The following CLDN14 variants were observed in gnomAD, a reference collection of about 807,000 sequenced individuals.
CLDN14 encodes claudin 14.
Under a neutral mutation model 2.1 loss-of-function variants are expected in CLDN14, and 2 were observed. The observed-to-expected ratio is 0.96, with a 90% confidence interval of 0.39 to 3.01. The LOEUF is 3.01. Ranked by LOEUF, CLDN14 falls within the 30% of genes most tolerant of loss-of-function variation. CLDN14 has a pLI of 0.09. For missense variants in CLDN14, 298 were observed against 328.0 expected (o/e 0.91, Z 0.71); for synonymous variants, 136 against 154.4 (o/e 0.88, Z 0.88).
At chr21:36,495,021 C>T (rs2087003164) in intron 2 of CLDN14, among the ~76,000 whole-genome samples, 1 of 152,118 alleles carries the variant, frequency 6.6e-6, no homozygotes. Flanking sequence ...GGAACAAATC[C>T]CCCCACACAG....
intron 1 of CLDN14, among the ~76,000 whole-genome samples, chr21:36,556,681 C>T (rs1480511779): frequency 6.6e-6 from 1 of 152,214 alleles, no homozygotes; most frequent in East Asian, 1.9e-4. Context: ...CCCGTGAATT[C>T]TCCGTGTCCA....
intron 1 of CLDN14, among the ~76,000 whole-genome samples, chr21:36,478,040 A>G (rs947252139): frequency 1.3e-5 from 2 of 152,256 alleles, no homozygotes; most frequent in East Asian, 1.9e-4. Context: ...GTAATGAAAG[A>G]TCTTTTCTGA....
At chr21:36,494,860 T>C (rs1159642303) in intron 2 of CLDN14, among the ~76,000 whole-genome samples, 1 of 152,252 alleles carries the variant, frequency 6.6e-6, no homozygotes, top group Non-Finnish European at 1.5e-5. Flanking sequence ...ACAACATTCT[T>C]GGCAGATGAA....
chr21:36,493,041 G>T (rs2835365), intron 2 of CLDN14, among the ~76,000 whole-genome samples: 60,958 of 152,082 alleles, frequency 0.4, 12,968 homozygotes, highest in African/African-American at 0.55. Flanking sequence ...GGCCTTTAAA[G>T]CAGGCATTGA....
chr21:36,468,603 A>G (rs1427950921), intron 1 of CLDN14, among the ~76,000 whole-genome samples: 2 of 136,228 alleles, frequency 1.5e-5, no homozygotes, highest in African/African-American at 6.1e-5. Flanking sequence ...GCTTGAATTT[A>G]GGAACTAAAA....
intron 2 of CLDN14, among the ~76,000 whole-genome samples, chr21:36,493,722 C>G (rs2086990206): frequency 6.6e-6 from 1 of 152,068 alleles, no homozygotes; most frequent in Non-Finnish European, 1.5e-5. Flanking sequence ...TTTTTTCTGC[C>G]CCCTGCTTGG....
At chr21:36,494,358 T>TA (rs1283626705) in intron 2 of CLDN14, among the ~76,000 whole-genome samples, 1 of 149,578 alleles carries the variant, frequency 6.7e-6, no homozygotes, top group Admixed American at 6.6e-5. Flanking sequence ...CCTAACAAAT[T>TA]AAAGTCCCCT....
At chr21:36,558,297 A>AT (rs921599830) in intron 1 of CLDN14, among the ~76,000 whole-genome samples, 24 of 151,674 alleles carry the variant, frequency 1.6e-4, no homozygotes, top group African/African-American at 5.3e-4. Context: ...GAATTTTAGG[A>AT]TTTTTTTTCT....
At chr21:36,517,520 G>T (rs546657539) in intron 1 of CLDN14, among the ~76,000 whole-genome samples, 175 of 152,340 alleles carry the variant, frequency 1.1e-3, no homozygotes, top group African/African-American at 4.1e-3. Context: ...TGGTTCTCCA[G>T]TCTGGGCAAA....
chr21:36,575,643 G>T (rs942338972), intron 1 of CLDN14, among the ~76,000 whole-genome samples: 2 of 152,188 alleles, frequency 1.3e-5, no homozygotes, highest in Non-Finnish European at 2.9e-5. Context: ...TACAGTGCTC[G>T]CATGAAACAT....
intron 1 of CLDN14, among the ~76,000 whole-genome samples, chr21:36,512,891 GTCTT>G (rs2146486075): frequency 6.6e-6 from 1 of 152,286 alleles, no homozygotes; most frequent in African/African-American, 2.4e-5. Context: ...GAACAAGAAA[GTCTT>G]TCTATATTTC....
chr21:36,561,650 C>G (rs1186881166), intron 1 of CLDN14, among the ~76,000 whole-genome samples: 1 of 152,176 alleles, frequency 6.6e-6, no homozygotes, highest in Non-Finnish European at 1.5e-5. Flanking sequence ...TAATGTTGCC[C>G]CAGTAGAAAG....
intron 2 of CLDN14, among the ~76,000 whole-genome samples, chr21:36,497,632 A>T (rs1352143014): frequency 6.6e-6 from 1 of 152,142 alleles, no homozygotes; most frequent in Non-Finnish European, 1.5e-5. Flanking sequence ...GCCTGACCTA[A>T]GCCCGGAAAG....
At chr21:36,501,835 G>C (rs563455401) in intron 2 of CLDN14, among the ~76,000 whole-genome samples, 1 of 152,130 alleles carries the variant, frequency 6.6e-6, no homozygotes, top group Non-Finnish European at 1.5e-5. Context: ...TTGATGGCAG[G>C]AGGGAGATAA....
intron 2 of CLDN14, chr21:36,486,415 G>C: frequency 8.0e-7 from 1 of 1,249,386 alleles, no homozygotes. Context: ...TCATCCTGCC[G>C]CTGCTGCTGC....
At chr21:36,521,848 CT>C (rs2087273514) in intron 1 of CLDN14, among the ~76,000 whole-genome samples, 1 of 152,158 alleles carries the variant, frequency 6.6e-6, no homozygotes, top group Non-Finnish European at 1.5e-5. Flanking sequence ...TTCCCTGTCC[CT>C]TCACTCTCAA....
chr21:36,570,629 T>C (rs569779776), intron 1 of CLDN14, among the ~76,000 whole-genome samples: 1 of 151,290 alleles, frequency 6.6e-6, no homozygotes, highest in Non-Finnish European at 1.5e-5. Context: ...ATATATATTA[T>C]GGACATATAT....
intron 1 of CLDN14, among the ~76,000 whole-genome samples, chr21:36,462,061 T>C (rs151077154): frequency 3.5e-4 from 54 of 152,294 alleles, no homozygotes; most frequent in African/African-American, 1.0e-3. Context: ...TGCTGCTGCA[T>C]TGGCATCTCC....
intron 1 of CLDN14, among the ~76,000 whole-genome samples, chr21:36,522,918 C>G (rs563994710): frequency 6.7e-4 from 102 of 152,100 alleles, no homozygotes; most frequent in Admixed American, 3.9e-3. Context: ...TAGCCATGGT[C>G]TTTTCTGGGA....
Sources: gnomAD v4.1 joint callset for allele counts (sites outside exome capture counted in the v4.1 genomes callset) on GRCh38, gnomAD v4.1.1 for gene constraint, MANE v1.5 for transcripts, NCBI Gene and HGNC (gene_info 2026-07-23, HGNC 2026-07-21) for gene names.